SPEN: variants seen among roughly 807,000 people sequenced by gnomAD.
The protein encoded by SPEN is msx2-interacting protein.
A neutral mutation model predicts 269.9 loss-of-function variants in SPEN; 18 were observed. The observed-to-expected ratio is 0.07, with a 90% CI of 0.05 to 0.10. The LOEUF (loss-of-function observed/expected upper bound fraction) is 0.10, where lower values mean the gene tolerates loss of function less well. SPEN is among the 10% of genes least tolerant of loss of function. The probability of loss-of-function intolerance (pLI) is 1.00; values close to 1 mark genes in which losing one functional copy is unlikely to be tolerated. For missense variants in SPEN, 3,822 were observed against 4,631.2 expected (o/e 0.83, Z 5.07); for synonymous variants, 1,726 against 1,765.7 (o/e 0.98, Z 0.56).
intron 1 of SPEN, among the ~76,000 whole-genome samples, chr1:15,862,766 C>CTTT (rs879452831): frequency 6.9e-6 from 1 of 144,050 alleles, no homozygotes; most frequent in South Asian, 2.2e-4. Context: ...GCACTTTCTG[C>CTTT]TTTTTTTTTT....
Position 15,876,260 on chromosome 1 carries a change from G to A in SPEN, c.463G>A (p.Gly155Arg). Residue 155 changes from glycine to arginine, a missense_variant, in exon 3 of 15, where the codon GGG (glycine) becomes AGG (arginine). By Grantham distance (125) the Gly-to-Arg change is moderately radical. Transcript: ENST00000375759. ...EHSAYGHHER[G>R]TGGFDRTRHY... ...TAGTGCCTATGGACACCATGAACGGGGGACGGGAGGATTTGATCGGACAAG... is the reference window on the plus strand; with the variant it reads ...TAGTGCCTATGGACACCATGAACGGAGGACGGGAGGATTTGATCGGACAAG... The A allele has an allele frequency of 6.2e-7, 1 of 1,614,066 alleles. No homozygotes were observed. The highest frequency in any genetic ancestry group is 8.5e-7 in the Non-Finnish European group (1 of 1,180,036).
chr1:15,874,469 C>T, intron 2 of SPEN: 3 of 1,147,580 alleles, frequency 2.6e-6, no homozygotes, highest in Non-Finnish European at 3.5e-6. Context: ...TCCCCACTAA[C>T]TCTAGAAGTA....
In SPEN at chr1:15,930,859, C is replaced by T; in HGVS notation, c.4619C>T (p.Ser1540Phe). 1.2e-6 allele frequency: 2 copies of T among 1,614,070 alleles called. No individual in the cohort carries two copies. The highest frequency in any genetic ancestry group is 2.2e-5 in the South Asian group (2 of 91,070). The change falls in exon 11 of 15, where the codon TCC (serine) becomes TTC (phenylalanine). Residue 1540 changes from serine (S) to phenylalanine (F), a missense_variant. Ser to Phe is a radical substitution (Grantham distance 155). Around this residue, in one of 16 missense-constraint regions of SPEN, gnomAD observed 533 missense variants for 618.8 expected, o/e 0.86. Transcript: ENST00000375759. This position sits in a 1 kb window ranked among gnomAD's most constrained non-coding sequence, Gnocchi z 5.3. The stretch of plus-strand genomic sequence containing the variant: ...CACAGCTCAATCTTTGAACAAGATT[C>T]CAAGCGATTGCAGCATCTAGAGAGA... Reference protein sequence around the residue: ...FLHSSIFEQDSKRLQHLERKE... With the variant: ...FLHSSIFEQDFKRLQHLERKE...
chr1:15,910,545 T>C (rs533693581), intron 4 of SPEN, among the ~76,000 whole-genome samples: 1 of 152,194 alleles, frequency 6.6e-6, no homozygotes, highest in East Asian at 1.9e-4. Context: ...ACTCCCCTTA[T>C]ATAATATCCA....
At chr1:15,874,027 C>T (rs1467315885) in intron 2 of SPEN, 1 of 1,230,360 alleles carries the variant, frequency 8.1e-7, no homozygotes, top group Non-Finnish European at 1.0e-6. Flanking sequence ...TATTGGCGAG[C>T]AACTGTGCCT....
chr1:15,867,239 C>T (rs952118893), intron 1 of SPEN, among the ~76,000 whole-genome samples: 4 of 152,208 alleles, frequency 2.6e-5, no homozygotes, highest in African/African-American at 9.6e-5. Flanking sequence ...TGGAATCATA[C>T]AGTATGTGAC....
intron 4 of SPEN, 103 bp from the exon 5 acceptor site, chr1:15,910,998 T>G (rs965903282): frequency 1.0e-5 from 10 of 995,492 alleles, no homozygotes; most frequent in Admixed American, 2.7e-5. Flanking sequence ...CTGTCTGACA[T>G]GAACAAAAAA....
chr1:15,891,906 T>TAAA (rs61565536), intron 3 of SPEN, among the ~76,000 whole-genome samples: 3 of 144,548 alleles, frequency 2.1e-5, no homozygotes, highest in Non-Finnish European at 4.6e-5. Context: ...CTGGTTTTTT[T>TAAA]AAAAAAAAAA....
At position 15,931,260 on chromosome 1, in the gene SPEN, G is replaced by T. The variant is rs780207641; in HGVS notation, c.5020G>T (p.Val1674Leu). The T allele has an allele frequency of 6.2e-7, 1 of 1,614,190 alleles. No homozygotes were observed. The highest frequency in any genetic ancestry group is 1.7e-5 in the Admixed American group (1 of 60,018). ...EAPLVTEEKT[V>L]EPATVSEEAK... ...GCCTTTGGTAACAGAAGAGAAGACT[G>T]TGGAGCCAGCTACCGTCTCAGAAGA... The change falls in exon 11 of 15, where the codon GTG becomes TTG. Residue 1674 changes from valine (V) to leucine (L), a missense_variant. By Grantham distance (32) the Val-to-Leu change is conservative. Coordinates refer to ENST00000375759, the MANE Select transcript of SPEN (RefSeq NM_015001.3). The surrounding 1 kb of genome is among the most constrained non-coding windows in gnomAD (Gnocchi z 4.8).
chr1:15,920,669 C>G (rs1382833048), intron 8 of SPEN, among the ~76,000 whole-genome samples: 1 of 151,932 alleles, frequency 6.6e-6, no homozygotes, highest in African/African-American at 2.4e-5. Flanking sequence ...GCCATAATGT[C>G]TATGATTCTA....
chr1:15,926,076 C>T (rs576040146), intron 10 of SPEN, among the ~76,000 whole-genome samples: 14 of 152,224 alleles, frequency 9.2e-5, no homozygotes, highest in African/African-American at 3.4e-4. Context: ...AAAATATTTT[C>T]TTTGAACTGA....
At chr1:15,913,359 A>G (rs1372520814) in intron 5 of SPEN, among the ~76,000 whole-genome samples, 1 of 152,118 alleles carries the variant, frequency 6.6e-6, no homozygotes, top group African/African-American at 2.4e-5. Flanking sequence ...ACTGGTTGTG[A>G]AGGTTAAGTG....
chr1:15,849,391 C>T (rs1311914652), intron 1 of SPEN, among the ~76,000 whole-genome samples: 1 of 152,218 alleles, frequency 6.6e-6, no homozygotes, highest in Non-Finnish European at 1.5e-5. Flanking sequence ...GGCGGAGCTC[C>T]TGTCTTTTAA....
intron 10 of SPEN, among the ~76,000 whole-genome samples, chr1:15,927,744 T>C (rs2071181751): frequency 6.6e-6 from 1 of 152,242 alleles, no homozygotes; most frequent in Admixed American, 6.5e-5. Flanking sequence ...ATTCTGTATA[T>C]GTAATTTTAA....
At chr1:15,938,951 C>T in intron 14 of SPEN, 75 bp downstream of exon 14, 3 of 1,528,638 alleles carry the variant, frequency 2.0e-6, no homozygotes, top group Non-Finnish European at 8.9e-7. Context: ...GCCTACTCAT[C>T]TGGTGCCCAC....
chr1:15,856,971 C>T (rs1240052971), intron 1 of SPEN, among the ~76,000 whole-genome samples: 1 of 152,134 alleles, frequency 6.6e-6, no homozygotes, highest in Non-Finnish European at 1.5e-5. Context: ...TTTGAACATA[C>T]ACAAAAGTGG....
At chr1:15,892,474 T>C (rs1208245472) in intron 3 of SPEN, among the ~76,000 whole-genome samples, 1 of 152,242 alleles carries the variant, frequency 6.6e-6, no homozygotes, top group Non-Finnish European at 1.5e-5. Flanking sequence ...TCATTTTGTT[T>C]AAAGACAAAT....
Position 15,937,154 on chromosome 1 carries a change from C to T in SPEN, c.10027-9C>T, listed in dbSNP as rs377095439. ...GACTCTGTCCCTTTGCCTTCCTTCC[C>T]TACACCAGGGCCCTCCTCCTGAAGG... On this transcript the variant is annotated splice_polypyrimidine_tract_variant and intron_variant, in intron 11 of 14. Coordinates refer to ENST00000375759, the MANE Select transcript of SPEN (RefSeq NM_015001.3). This position sits in a 1 kb window ranked among gnomAD's most constrained non-coding sequence, Gnocchi z 5.7. 7.8e-5 allele frequency: 126 copies of T among 1,606,628 alleles called. No individual in the cohort carries two copies. The highest frequency in any genetic ancestry group is 3.7e-4 in the Middle Eastern group (2 of 5,334).
At position 15,928,539 on chromosome 1, in the gene SPEN, A is replaced by G. The variant is rs775757006; in HGVS notation, c.2299A>G (p.Ser767Gly). ...ATCCTCAGACCGGAGTGGAAGCTGT[A>G]GCTCACTCTCCCCTCCAAGATATGA... ...SRSSDRSGSC[S>G]SLSPPRYEKL... Residue 767 changes from serine to glycine, a missense_variant, in exon 11 of 15, where the codon AGC (serine) becomes GGC (glycine). By Grantham distance (56) the Ser-to-Gly change is moderately conservative. Around this residue, in one of 16 missense-constraint regions of SPEN, gnomAD observed 572 missense variants for 582.6 expected, o/e 0.98. Coordinates refer to ENST00000375759, the MANE Select transcript of SPEN (RefSeq NM_015001.3). This position sits in a 1 kb window ranked among gnomAD's most constrained non-coding sequence, Gnocchi z 5.7. 2 of 1,614,176 alleles carry G rather than the reference A, an allele frequency of 1.2e-6. No individual in the cohort carries two copies. Among genetic ancestry groups the G allele is most frequent in the South Asian group, 2.2e-5 (2 of 91,086 alleles).
Sources: allele counts gnomAD v4.1 joint callset (sites outside exome capture counted in the v4.1 genomes callset), GRCh38; gene constraint gnomAD v4.1.1; regional missense constraint gnomAD v4.1.1; non-coding constraint Gnocchi (gnomAD v3.1); transcripts MANE v1.5; gene names NCBI Gene and HGNC (gene_info 2026-07-23, HGNC 2026-07-21).